The following IL1RAP variants were observed in gnomAD, a reference collection of about 807,000 sequenced individuals.
IL1RAP encodes the protein interleukin-1 receptor accessory protein.
IL1RAP carries 35 observed loss-of-function variants against 60.7 expected under a neutral mutation model. The observed-to-expected ratio is 0.58, with a 90% CI of 0.44 to 0.76. IL1RAP has a LOEUF of 0.76. Among genes scored for constraint, IL1RAP ranks in the 30% least tolerant of loss-of-function variants. IL1RAP has a pLI of 0.00. For missense variants in IL1RAP, 572 were observed against 693.9 expected, an observed-to-expected ratio of 0.82 and a Z score of 1.97; for synonymous variants, 268 against 250.9, an observed-to-expected ratio of 1.07 and a Z score of -0.64.
At chr3:190,577,440 A>G (rs1249085677) in intron 3 of IL1RAP, among the ~76,000 whole-genome samples, 1 of 152,082 alleles carries the variant, frequency 6.6e-6, no homozygotes. Flanking sequence ...AAATTGGTAA[A>G]CCGATGCTAG....
chr3:190,573,553 G>T (rs1284315205), intron 3 of IL1RAP, among the ~76,000 whole-genome samples: 1 of 152,156 alleles, frequency 6.6e-6, no homozygotes, highest in Non-Finnish European at 1.5e-5. Context: ...ATGCTAAGGG[G>T]AATTTCAGGA....
intron 9 of IL1RAP, among the ~76,000 whole-genome samples, chr3:190,638,462 A>G (rs1250429812): frequency 3.3e-5 from 5 of 152,064 alleles, no homozygotes; most frequent in Non-Finnish European, 5.9e-5. Flanking sequence ...AATAGTTTGT[A>G]TTTTATTATT....
Position 190,649,518 on chromosome 3 carries a change from G to T in IL1RAP, c.*813G>T. On this transcript the variant is annotated 3_prime_UTR_variant, in exon 12 of 12. Transcript: ENST00000447382. ...TCAGTCTGAAAGAAATCTCCTAATG[G>T]TGCTATAGAGAGGGAGGTAACAGAA... is the stretch of plus-strand genomic sequence containing the variant. 1.0e-6 allele frequency: 1 copy of T among 985,772 alleles called. No individual in the cohort carries two copies. The highest frequency in any genetic ancestry group is 1.2e-6 in the Non-Finnish European group (1 of 829,930). 61.1% of individuals were successfully genotyped at this position (985,772 alleles called of 1,614,324 possible).
chr3:190,616,063 A>T (rs891638886), intron 5 of IL1RAP, among the ~76,000 whole-genome samples: 1 of 152,126 alleles, frequency 6.6e-6, no homozygotes, highest in African/African-American at 2.4e-5. Context: ...GTGTACATAT[A>T]TGCATATACA....
chr3:190,627,241 A>C, intron 7 of IL1RAP, 82 bp from the exon 8 acceptor site: 1 of 1,247,534 alleles, frequency 8.0e-7, no homozygotes, highest in East Asian at 2.5e-5. Context: ...TAATGGGCTA[A>C]CTTTGTCTTT....
intron 1 of IL1RAP, among the ~76,000 whole-genome samples, chr3:190,523,128 T>C (rs1722229412): frequency 6.6e-6 from 1 of 152,150 alleles, no homozygotes; most frequent in South Asian, 2.1e-4. Flanking sequence ...CTAAATGTCC[T>C]AGATAACTAC....
chr3:190,609,202 T>C, intron 5 of IL1RAP, 21 bp downstream of exon 5: 1 of 1,521,406 alleles, frequency 6.6e-7, no homozygotes, highest in Non-Finnish European at 9.0e-7. Context: ...TTAGACTACA[T>C]TTTATTCTCT....
chr3:190,609,661 T>G (rs1390518167), intron 5 of IL1RAP, among the ~76,000 whole-genome samples: 1 of 152,204 alleles, frequency 6.6e-6, no homozygotes, highest in Non-Finnish European at 1.5e-5. Context: ...AATATAAAAG[T>G]GTTGGAAGGT....
intron 1 of IL1RAP, among the ~76,000 whole-genome samples, chr3:190,536,997 A>G (rs1196094272): frequency 6.6e-6 from 1 of 152,142 alleles, no homozygotes; most frequent in African/African-American, 2.4e-5. Flanking sequence ...AGAAGGGGCC[A>G]CAGTGTTTAC....
intron 7 of IL1RAP, among the ~76,000 whole-genome samples, chr3:190,625,711 A>C (rs1732201072): frequency 6.6e-6 from 1 of 152,220 alleles, no homozygotes; most frequent in Admixed American, 6.5e-5. Flanking sequence ...AATCAAGATA[A>C]GTTTGAAAAT....
chr3:190,535,195 C>G (rs1406459070), intron 1 of IL1RAP, among the ~76,000 whole-genome samples: 1 of 152,142 alleles, frequency 6.6e-6, no homozygotes, highest in African/African-American at 2.4e-5. Context: ...ACCCTGCGGC[C>G]TTTGTTCTGG....
rs773448408 is a variant in IL1RAP at position 190,645,741 on chromosome 3, C to T, written c.1244C>T (p.Ala415Val). ...YDIYVSYARN[A>V]EEEEFVLLTL... ...ATTTATGTATCCTATGCAAGGAATGCGGAAGAAGAAGAATTTGTATTACTG... is the reference window on the plus strand; with the variant it reads ...ATTTATGTATCCTATGCAAGGAATGTGGAAGAAGAAGAATTTGTATTACTG... The change falls in exon 11 of 12, where the codon GCG becomes GTG. Residue 415 changes from alanine to valine, a missense_variant. Coordinates refer to ENST00000447382, the MANE Select transcript of IL1RAP (RefSeq NM_002182.4). The T allele has an allele frequency of 1.9e-6, 3 of 1,611,242 alleles. No homozygotes were observed. Among genetic ancestry groups the T allele is most frequent in the African/African-American group, 2.7e-5 (2 of 74,826 alleles).
intron 1 of IL1RAP, among the ~76,000 whole-genome samples, chr3:190,554,905 G>A (rs1056467958): frequency 5.9e-5 from 9 of 152,190 alleles, no homozygotes; most frequent in Non-Finnish European, 1.3e-4. Context: ...ATTTGATGCT[G>A]TAGATTCAGA....
intron 7 of IL1RAP, 46 bp from the exon 8 acceptor site, chr3:190,627,274 GTTT>G: frequency 1.4e-6 from 2 of 1,421,624 alleles, no homozygotes; most frequent in Non-Finnish European, 9.5e-7. Flanking sequence ...GTTTTGTTTT[GTTT>G]TGTTTTGTTT....
chr3:190,557,135 C>T (rs1173454424), intron 2 of IL1RAP, among the ~76,000 whole-genome samples: 1 of 152,174 alleles, frequency 6.6e-6, no homozygotes, highest in African/African-American at 2.4e-5. Flanking sequence ...ACAGATCTTC[C>T]TAAGAGGTCA....
chr3:190,536,751 C>G (rs73058192), intron 1 of IL1RAP, among the ~76,000 whole-genome samples: 2,417 of 152,006 alleles, frequency 0.016, 67 homozygotes, highest in African/African-American at 0.056. Flanking sequence ...TATGCTTTGC[C>G]TAATAAAGTA....
intron 1 of IL1RAP, among the ~76,000 whole-genome samples, chr3:190,534,362 T>C (rs1378807783): frequency 2.0e-5 from 3 of 152,126 alleles, no homozygotes; most frequent in African/African-American, 7.2e-5. Flanking sequence ...GTTTCATTCC[T>C]TGTAGAAAAG....
intron 5 of IL1RAP, among the ~76,000 whole-genome samples, chr3:190,615,080 C>T (rs546374282): frequency 4.0e-5 from 6 of 150,434 alleles, no homozygotes; most frequent in East Asian, 2.0e-4. Context: ...TTCTGCATGG[C>T]GGAAAAAAAT....
chr3:190,547,237 A>G (rs1724451551), intron 1 of IL1RAP, among the ~76,000 whole-genome samples: 1 of 152,200 alleles, frequency 6.6e-6, no homozygotes. Flanking sequence ...TTTATTTTCA[A>G]TAAAGTCACC....
Sources: gnomAD v4.1 joint callset for allele counts (sites outside exome capture counted in the v4.1 genomes callset) on GRCh38, gnomAD v4.1.1 for gene constraint, MANE v1.5 for transcripts, NCBI Gene and HGNC (gene_info 2026-07-23, HGNC 2026-07-21) for gene names.